Variants in TNR observed in about 807,000 individuals in gnomAD.
The protein encoded by TNR is tenascin R, also known as tenascin-R.
Under a neutral mutation model 150.4 loss-of-function variants are expected in TNR, and 45 were observed. The ratio of observed to expected loss-of-function variants is 0.30; its 90% CI spans 0.24 to 0.38. The LOEUF is 0.38. Ranked by LOEUF, TNR falls within the 10% of genes least tolerant of loss-of-function variation. TNR has a pLI of 1.00. For synonymous variants in TNR, 687 were observed against 678.4 expected (o/e 1.01, Z -0.20); for missense variants, 1,544 against 1,759.1 (o/e 0.88, Z 2.19).
At chr1:175,394,023 T>C in intron 5 of TNR, 128 bp from the exon 6 acceptor site, 1 of 720,462 alleles carries the variant, frequency 1.4e-6, no homozygotes, top group Non-Finnish European at 2.4e-6. Context: ...ACAATCCCAA[T>C]CTTGCTCCAG....
chr1:175,580,271 AC>A (rs1662299406), intron 1 of TNR, among the ~76,000 whole-genome samples: 1 of 152,134 alleles, frequency 6.6e-6, no homozygotes, highest in East Asian at 1.9e-4. Context: ...AATGAAGCCT[AC>A]CTTTTTTGTA....
chr1:175,406,535 C>A lies in TNR; in HGVS notation c.180G>T (p.Glu60Asp), dbSNP rs1167656725. 1 of 1,614,098 alleles carries A rather than the reference C, an allele frequency of 6.2e-7. No homozygotes were observed. Among genetic ancestry groups the A allele is most frequent in the Non-Finnish European group, 8.5e-7 (1 of 1,180,058 alleles). Residue 60 changes from glutamate to aspartate, a missense_variant, in exon 3 of 23, where the codon GAG becomes GAT. Transcript: ENST00000367674. ...ACACGTGGTTGAAGACCACAGGCTG[C>A]TCTTTGCTGGATGTGTTGTAGTTGG... is the stretch of plus-strand genomic sequence containing the variant. ...GIANYNTSSK[E>D]QPVVFNHVYN... is the part of the protein sequence containing the mutation.
intron 19 of TNR, among the ~76,000 whole-genome samples, chr1:175,336,662 G>A (rs2101991374): frequency 6.6e-6 from 1 of 152,342 alleles, no homozygotes; most frequent in South Asian, 2.1e-4. Flanking sequence ...GTGGTGACAG[G>A]AAACAGTGTC....
chr1:175,676,526 T>A (rs1352860751), intron 1 of TNR, among the ~76,000 whole-genome samples: 1 of 151,922 alleles, frequency 6.6e-6, no homozygotes, highest in Non-Finnish European at 1.5e-5. Context: ...CTGGCAGAAC[T>A]CTCATTGGAA....
intron 2 of TNR, among the ~76,000 whole-genome samples, chr1:175,408,228 C>A (rs565902497): frequency 5.9e-5 from 9 of 152,208 alleles, no homozygotes; most frequent in African/African-American, 2.2e-4. Flanking sequence ...TTCAGGACGG[C>A]GAGAGTGCTC....
intron 1 of TNR, among the ~76,000 whole-genome samples, chr1:175,636,987 C>A (rs574080620): frequency 5.1e-4 from 78 of 152,346 alleles, no homozygotes; most frequent in African/African-American, 1.5e-3. Flanking sequence ...CAGCATGGAT[C>A]TTACAGATTT....
intron 1 of TNR, among the ~76,000 whole-genome samples, chr1:175,547,600 AG>A (rs1660747472): frequency 4.0e-5 from 1 of 25,206 alleles, no homozygotes; most frequent in Non-Finnish European, 1.3e-4. Context: ...AAAGAAAGAA[AG>A]AAAGAAAGAA....
At position 175,386,077 on chromosome 1, in the gene TNR, G is replaced by A. The variant is rs869312899; in HGVS notation, c.1732C>T (p.Arg578Ter). 2 of 1,609,624 alleles carry A rather than the reference G, an allele frequency of 1.2e-6. No individual in the cohort carries two copies. Among genetic ancestry groups the A allele is most frequent in the Non-Finnish European group, 1.7e-6 (2 of 1,176,910 alleles). ...SRYEVSVSAV[R>*]GTNESDSATT... ...GCAGAATCGCTCTCGTTGGTCCCTC[G>A]GACGGCACTGACTGACACCTCGTAT... Residue 578 changes from arginine (R) to a stop codon, truncating the protein, a stop_gained, in exon 8 of 23, where the codon CGA becomes TGA. Coordinates refer to ENST00000367674, the MANE Select transcript of TNR (RefSeq NM_003285.3). LOFTEE classifies it high-confidence loss of function.
At chr1:175,671,911 C>CTGTGTGTATG (rs376597060) in intron 1 of TNR, among the ~76,000 whole-genome samples, 3 of 142,042 alleles carry the variant, frequency 2.1e-5, no homozygotes, top group Non-Finnish European at 4.6e-5. Flanking sequence ...TGAGCTGTAC[C>CTGTGTGTATG]TGTGTGTGTG....
chr1:175,646,741 C>T (rs1664820990), intron 1 of TNR, among the ~76,000 whole-genome samples: 1 of 152,216 alleles, frequency 6.6e-6, no homozygotes, highest in South Asian at 2.1e-4. Flanking sequence ...CTAGTCCCTG[C>T]TCCTTAGTCA....
chr1:175,558,214 T>C (rs1266189011), intron 1 of TNR, among the ~76,000 whole-genome samples: 60 of 147,384 alleles, frequency 4.1e-4, no homozygotes, highest in Non-Finnish European at 7.5e-4. Flanking sequence ...ATGGCACATG[T>C]ATACATATGT....
chr1:175,620,771 G>A (rs1265200822), intron 1 of TNR, among the ~76,000 whole-genome samples: 1 of 152,118 alleles, frequency 6.6e-6, no homozygotes, highest in Non-Finnish European at 1.5e-5. Flanking sequence ...CCCCTCACCA[G>A]GGTGAGCAGG....
intron 2 of TNR, among the ~76,000 whole-genome samples, chr1:175,505,423 C>T (rs859385): frequency 0.016 from 2,429 of 152,346 alleles, 71 homozygotes; most frequent in African/African-American, 0.055. Flanking sequence ...GTTCTCAGCC[C>T]TCCTCCGTTC....
chr1:175,658,532 G>C (rs1345160960), intron 1 of TNR, among the ~76,000 whole-genome samples: 1 of 152,196 alleles, frequency 6.6e-6, no homozygotes, highest in African/African-American at 2.4e-5. Context: ...CAAAGGCCTG[G>C]CCAGGAACAC....
chr1:175,543,810 T>C (rs955591728), intron 1 of TNR, among the ~76,000 whole-genome samples: 7 of 152,174 alleles, frequency 4.6e-5, no homozygotes, highest in Non-Finnish European at 1.0e-4. Context: ...TTATGAAAGA[T>C]GCCCAGACTA....
At chr1:175,640,765 A>G (rs2101880648) in intron 1 of TNR, among the ~76,000 whole-genome samples, 1 of 149,896 alleles carries the variant, frequency 6.7e-6, no homozygotes, top group Admixed American at 6.6e-5. Context: ...TGTTACAACT[A>G]AATATATATA....
intron 1 of TNR, among the ~76,000 whole-genome samples, chr1:175,575,784 A>G (rs771837138): frequency 6.6e-6 from 1 of 152,150 alleles, no homozygotes; most frequent in Non-Finnish European, 1.5e-5. Context: ...TGGGCTTAGG[A>G]GGCAGTTGGT....
At chr1:175,684,130 A>G (rs904134029) in intron 1 of TNR, among the ~76,000 whole-genome samples, 7 of 152,208 alleles carry the variant, frequency 4.6e-5, no homozygotes, top group African/African-American at 1.7e-4. Flanking sequence ...TGACTCAGTC[A>G]CTGGAGGAAG....
chr1:175,413,530 A>G (rs901035801), intron 2 of TNR, among the ~76,000 whole-genome samples: 42 of 152,246 alleles, frequency 2.8e-4, no homozygotes, highest in African/African-American at 1.0e-3. Context: ...ACCTGTCTCC[A>G]AAGGCAACAA....
Sources: gnomAD v4.1 joint callset for allele counts (sites outside exome capture counted in the v4.1 genomes callset) on GRCh38, gnomAD v4.1.1 for gene constraint, MANE v1.5 for transcripts, NCBI Gene and HGNC (gene_info 2026-07-23, HGNC 2026-07-21) for gene names.